CLMN: variants seen among roughly 807,000 people sequenced by gnomAD.
The protein encoded by CLMN is calmin (calponin-like, transmembrane).
A neutral mutation model predicts 92.7 loss-of-function variants in CLMN; 57 were observed. The observed-to-expected ratio is 0.61, with a 90% CI of 0.50 to 0.77. The LOEUF (loss-of-function observed/expected upper bound fraction) is 0.77. Ranked by LOEUF, CLMN falls within the 30% of genes least tolerant of loss-of-function variation. The pLI is 0.00. For synonymous variants in CLMN, 466 were observed against 470.6 expected (o/e 0.99, Z 0.13); for missense variants, 1,158 against 1,237.5 (o/e 0.94, Z 0.96).
chr14:95,313,074 C>T (rs919333379), intron 1 of CLMN, among the ~76,000 whole-genome samples: 10 of 152,194 alleles, frequency 6.6e-5, no homozygotes, highest in East Asian at 1.9e-4. Flanking sequence ...GGCATGGTGG[C>T]GCATGCCTGT....
intron 1 of CLMN, among the ~76,000 whole-genome samples, chr14:95,235,485 C>A (rs1283103170): frequency 6.6e-6 from 1 of 152,206 alleles, no homozygotes; most frequent in African/African-American, 2.4e-5. Flanking sequence ...GAGCCAGACA[C>A]ACAGGCTCCA....
intron 1 of CLMN, among the ~76,000 whole-genome samples, chr14:95,240,412 C>CA (rs1898205040): frequency 6.6e-6 from 1 of 152,092 alleles, no homozygotes. Flanking sequence ...GACATGGCCC[C>CA]AAACAAAATC....
chr14:95,225,959 G>A (rs1897698632), intron 2 of CLMN, among the ~76,000 whole-genome samples: 1 of 152,182 alleles, frequency 6.6e-6, no homozygotes, highest in South Asian at 2.1e-4. Flanking sequence ...TGGGTTAGAT[G>A]CTCCAGTGTG....
intron 3 of CLMN, chr14:95,222,655 T>C (rs1897584222): frequency 1.1e-5 from 5 of 451,314 alleles, no homozygotes; most frequent in Admixed American, 2.4e-5. Context: ...GACTAGAAGG[T>C]ACTTTTTCAG....
chr14:95,231,466 GGGATTACAGGCGTGA>G (rs1333199065), intron 1 of CLMN, among the ~76,000 whole-genome samples: 1 of 152,070 alleles, frequency 6.6e-6, no homozygotes, highest in Non-Finnish European at 1.5e-5. Context: ...CCAAAGTACT[GGGATTACAGGCGTGA>G]GCCACCGCGC....
intron 1 of CLMN, among the ~76,000 whole-genome samples, chr14:95,307,122 G>C (rs1901318510): frequency 6.6e-6 from 1 of 152,182 alleles, no homozygotes; most frequent in African/African-American, 2.4e-5. Context: ...CTAGCAACCA[G>C]GAGAAGTTGG....
At chr14:95,281,238 C>T (rs549741217) in intron 1 of CLMN, among the ~76,000 whole-genome samples, 7 of 152,274 alleles carry the variant, frequency 4.6e-5, no homozygotes, top group East Asian at 1.9e-4. Context: ...TGGCTGGGTT[C>T]AAGGCTTTAA....
At chr14:95,198,032 T>A (rs2140564927) in intron 9 of CLMN, among the ~76,000 whole-genome samples, 1 of 150,700 alleles carries the variant, frequency 6.6e-6, no homozygotes, top group South Asian at 2.1e-4. Context: ...GAAAATATCT[T>A]TTTTTCTTTC....
chr14:95,272,807 C>T (rs775786791), intron 1 of CLMN, among the ~76,000 whole-genome samples: 13 of 152,146 alleles, frequency 8.5e-5, no homozygotes, highest in Admixed American at 2.6e-4. Context: ...TGTTTCTATG[C>T]GCTCCCAAGG....
At chr14:95,252,891 T>C (rs926739869) in intron 1 of CLMN, among the ~76,000 whole-genome samples, 2 of 152,144 alleles carry the variant, frequency 1.3e-5, no homozygotes, top group African/African-American at 4.8e-5. Context: ...CGGGAACCCT[T>C]CCAGTCTTGC....
intron 1 of CLMN, among the ~76,000 whole-genome samples, chr14:95,309,151 C>T (rs1352427042): frequency 1.3e-5 from 2 of 152,168 alleles, no homozygotes; most frequent in African/African-American, 2.4e-5. Flanking sequence ...TTCTTTCATT[C>T]TTTGGCAACT....
chr14:95,201,305 G>A (rs1309789384), intron 9 of CLMN, among the ~76,000 whole-genome samples: 2 of 151,806 alleles, frequency 1.3e-5, no homozygotes, highest in Non-Finnish European at 2.9e-5. Flanking sequence ...CCAAGCAGCC[G>A]TGTCAGCTTG....
intron 2 of CLMN, 40 bp from the exon 3 acceptor site, chr14:95,223,895 T>G (rs1290321766): frequency 7.2e-7 from 1 of 1,380,124 alleles, no homozygotes; most frequent in Non-Finnish European, 1.0e-6. Flanking sequence ...ATTAGCAACC[T>G]GTGTGATCCA....
chr14:95,304,374 C>T (rs1294759244), intron 1 of CLMN, among the ~76,000 whole-genome samples: 1 of 151,868 alleles, frequency 6.6e-6, no homozygotes. Flanking sequence ...TCTGCATCCT[C>T]AGTGACAGCA....
At chr14:95,193,131 C>T (rs920853795) in intron 12 of CLMN, 13 of 546,110 alleles carry the variant, frequency 2.4e-5, no homozygotes, top group Admixed American at 2.3e-4. Context: ...AAATCTGTGG[C>T]GAGTAAATAA....
At chr14:95,201,764 G>C (rs201020420) in intron 9 of CLMN, among the ~76,000 whole-genome samples, 2 of 145,112 alleles carry the variant, frequency 1.4e-5, no homozygotes, top group Admixed American at 1.4e-4. Context: ...AATGTGTGTT[G>C]TTCCCCTCCC....
intron 1 of CLMN, 81 bp from the exon 2 acceptor site, chr14:95,230,214 C>G: frequency 7.6e-7 from 1 of 1,311,394 alleles, no homozygotes; most frequent in Non-Finnish European, 1.1e-6. Flanking sequence ...AGGGGAGATT[C>G]TAGGTGGAGG....
chr14:95,222,325 A>C (rs547692417), intron 3 of CLMN: 1 of 241,030 alleles, frequency 4.1e-6, no homozygotes, highest in South Asian at 4.7e-5. Context: ...AGAAAGAGAA[A>C]GAAAGAGACG....
intron 1 of CLMN, among the ~76,000 whole-genome samples, chr14:95,304,774 A>C (rs1025651182): frequency 7.2e-5 from 11 of 152,074 alleles, no homozygotes; most frequent in Admixed American, 7.2e-4. Flanking sequence ...TTCCTTCTGC[A>C]GCTCCGAAAC....
Sources: gnomAD v4.1 joint callset for allele counts (sites outside exome capture counted in the v4.1 genomes callset) on GRCh38, gnomAD v4.1.1 for gene constraint, MANE v1.5 for transcripts, NCBI Gene and HGNC (gene_info 2026-07-23, HGNC 2026-07-21) for gene names.